The following SLC6A17 variants were observed in gnomAD, a reference collection of about 807,000 sequenced individuals.
SLC6A17 encodes sodium-dependent neutral amino acid transporter SLC6A17.
In SLC6A17, 21 loss-of-function variants were observed where a neutral mutation model predicts 64.5. That is an observed-to-expected ratio of 0.33 (90% confidence interval 0.23 to 0.47). The LOEUF (loss-of-function observed/expected upper bound fraction) is 0.47, where lower values mean the gene tolerates loss of function less well. SLC6A17 is among the 20% of genes least tolerant of loss of function. SLC6A17 has a pLI of 1.00. For synonymous variants in SLC6A17, 372 were observed against 399.5 expected (o/e 0.93, Z 0.82); for missense variants, 682 against 963.2 (o/e 0.71, Z 3.86).
At chr1:110,197,986 TGGG>T in intron 11 of SLC6A17, 87 bp from the exon 12 acceptor site, 1 of 1,516,950 alleles carries the variant, frequency 6.6e-7, no homozygotes, top group South Asian at 1.3e-5. Flanking sequence ...TGGAAGGCCA[TGGG>T]TGAGGGCAGG....
chr1:110,183,413 T>C (rs1021266566), intron 6 of SLC6A17, among the ~76,000 whole-genome samples: 3 of 152,152 alleles, frequency 2.0e-5, no homozygotes, highest in Non-Finnish European at 4.4e-5. Context: ...ATGTCCAGAA[T>C]AGGTGAATCC....
intron 1 of SLC6A17, 37 bp from the exon 2 acceptor site, chr1:110,166,805 TG>T: frequency 7.8e-7 from 1 of 1,287,014 alleles, no homozygotes; most frequent in Non-Finnish European, 1.0e-6. Context: ...CTTCCTGGTG[TG>T]GTCAGATAAT....
At chr1:110,193,998 A>G (rs904341790) in intron 8 of SLC6A17, among the ~76,000 whole-genome samples, 7 of 152,318 alleles carry the variant, frequency 4.6e-5, no homozygotes, top group African/African-American at 1.7e-4. Flanking sequence ...GCATTAAAGC[A>G]GTGATTCTCT....
At chr1:110,170,487 A>G (rs958522673) in intron 2 of SLC6A17, among the ~76,000 whole-genome samples, 1 of 152,142 alleles carries the variant, frequency 6.6e-6, no homozygotes, top group Non-Finnish European at 1.5e-5. Flanking sequence ...CCCTCTCAAA[A>G]TAAAAACAAA....
chr1:110,195,855 C>CG, intron 10 of SLC6A17, 110 bp downstream of exon 10: 1 of 1,471,616 alleles, frequency 6.8e-7, no homozygotes, highest in South Asian at 1.3e-5. Context: ...AGTGCCCTTA[C>CG]GGATCATTTA....
In SLC6A17 at chr1:110,174,806, C is replaced by T. The variant is rs1323865330; in HGVS notation, c.599C>T (p.Ser200Leu). 1.2e-6 allele frequency: 2 copies of T among 1,614,150 alleles called. No individual in the cohort carries two copies. Among genetic ancestry groups the T allele is most frequent in the East Asian group, 2.2e-5 (1 of 44,884 alleles). Residue 200 changes from serine (S) to leucine (L), a missense_variant, in exon 5 of 12, where the codon TCA becomes TTA. Around this residue, in one of 3 missense-constraint regions of SLC6A17, gnomAD observed 415 missense variants for 603.8 expected, o/e 0.69. Coordinates refer to ENST00000331565, the MANE Select transcript of SLC6A17 (RefSeq NM_001010898.4). ...GTGGAGGCAGAGTGTGAAAAGAGCT[C>T]AGCCACTACCTACTTCTGGTACCGA... ...AVVEAECEKS[S>L]ATTYFWYREA...
At chr1:110,176,992 T>C (rs988654628) in intron 6 of SLC6A17, among the ~76,000 whole-genome samples, 9 of 152,052 alleles carry the variant, frequency 5.9e-5, no homozygotes, top group Admixed American at 5.9e-4. Flanking sequence ...GAAAGAGCCT[T>C]AGGGAGCAGG....
chr1:110,186,630 T>A (rs1656691187), intron 6 of SLC6A17, among the ~76,000 whole-genome samples: 1 of 151,894 alleles, frequency 6.6e-6, no homozygotes, highest in Admixed American at 6.6e-5. Flanking sequence ...CCTGCTCAGC[T>A]CACAACTCAT....
At chr1:110,165,264 G>A (rs529234040) in intron 1 of SLC6A17, among the ~76,000 whole-genome samples, 17 of 152,272 alleles carry the variant, frequency 1.1e-4, no homozygotes, top group Admixed American at 2.6e-4. Context: ...GGCAGCCCTG[G>A]GGGGAGGCCC....
rs751594760 is a variant in SLC6A17 at position 110,174,815 on chromosome 1, C to T, written c.608C>T (p.Thr203Ile). The change falls in exon 5 of 12, where the codon ACC becomes ATC. Residue 203 changes from threonine (T) to isoleucine (I), a missense_variant. Thr to Ile is a moderately conservative substitution (Grantham distance 89). This residue lies in a region of SLC6A17 where 415 missense variants were observed against 603.8 expected (regional missense o/e 0.69). Coordinates refer to ENST00000331565, the MANE Select transcript of SLC6A17 (RefSeq NM_001010898.4). ...GAGTGTGAAAAGAGCTCAGCCACTA[C>T]CTACTTCTGGTACCGAGAGGCCTTG... ...EAECEKSSATTYFWYREALDI... is the reference protein window; with the variant it reads ...EAECEKSSATIYFWYREALDI... 1.2e-6 allele frequency: 2 copies of T among 1,614,154 alleles called. No individual in the cohort carries two copies. Among genetic ancestry groups the T allele is most frequent in the Admixed American group, 1.7e-5 (1 of 60,020 alleles).
intron 6 of SLC6A17, among the ~76,000 whole-genome samples, chr1:110,184,284 G>A (rs1447245971): frequency 1.3e-5 from 2 of 152,000 alleles, no homozygotes; most frequent in African/African-American, 2.4e-5. Flanking sequence ...CTAATTTTTT[G>A]TATTTTTAGT....
At chr1:110,195,497 G>T in intron 9 of SLC6A17, 89 bp from the exon 10 acceptor site, 1 of 1,512,336 alleles carries the variant, frequency 6.6e-7, no homozygotes. Context: ...GGAGGGATGT[G>T]ATGGGAGGGG....
intron 6 of SLC6A17, among the ~76,000 whole-genome samples, chr1:110,190,836 C>T (rs895138230): frequency 1.3e-5 from 2 of 150,522 alleles, no homozygotes; most frequent in East Asian, 1.9e-4. Flanking sequence ...GTGCTGGGGC[C>T]GGGGGCGGGG....
chr1:110,160,513 G>A lies in SLC6A17; in HGVS notation c.-87-6330G>A, dbSNP rs116088805. Among the ~76,000 whole-genome samples the A allele has an allele frequency of 1.4e-3, 209 of 152,354 alleles. 1 individual carries two copies. Among genetic ancestry groups the A allele is most frequent in the African/African-American group, 4.6e-3 (193 of 41,586 alleles). ...TGGGCACAAAGCTGAATGCACCTTCGCTCCTGCCTCAAGGAGATTGCTGTT... is the reference window on the plus strand; with the variant it reads ...TGGGCACAAAGCTGAATGCACCTTCACTCCTGCCTCAAGGAGATTGCTGTT... On this transcript the variant is annotated intron_variant, in intron 1 of 11. Coordinates refer to ENST00000331565, the MANE Select transcript of SLC6A17 (RefSeq NM_001010898.4).
chr1:110,165,437 A>G (rs1004262667), intron 1 of SLC6A17, among the ~76,000 whole-genome samples: 13 of 152,062 alleles, frequency 8.5e-5, no homozygotes, highest in Non-Finnish European at 1.3e-4. Flanking sequence ...AGTTACCCCA[A>G]AGCCTAACCC....
chr1:110,173,466 A>C (rs529130988), intron 3 of SLC6A17, among the ~76,000 whole-genome samples: 1 of 152,362 alleles, frequency 6.6e-6, no homozygotes, highest in Admixed American at 6.5e-5. Flanking sequence ...GTTTCCAAGA[A>C]ATGACAAGTG....
chr1:110,168,896 G>A (rs763104355), intron 2 of SLC6A17, among the ~76,000 whole-genome samples: 1 of 152,200 alleles, frequency 6.6e-6, no homozygotes, highest in South Asian at 2.1e-4. Flanking sequence ...AACTACCCTA[G>A]AGGAAAAGCA....
intron 1 of SLC6A17, among the ~76,000 whole-genome samples, chr1:110,154,955 C>T (rs1349276414): frequency 2.6e-5 from 4 of 152,196 alleles, no homozygotes; most frequent in Non-Finnish European, 5.9e-5. Context: ...AGCCCACTTT[C>T]TCCTCACTCC....
At chr1:110,173,894 T>TTAGC in intron 3 of SLC6A17, 79 bp from the exon 4 acceptor site, 1 of 1,508,858 alleles carries the variant, frequency 6.6e-7, no homozygotes, top group South Asian at 1.4e-5. Flanking sequence ...GCTGCCGACG[T>TTAGC]GCTGGGCCTC....
Sources: allele counts gnomAD v4.1 joint callset (sites outside exome capture counted in the v4.1 genomes callset), GRCh38; gene constraint gnomAD v4.1.1; regional missense constraint gnomAD v4.1.1; transcripts MANE v1.5; gene names NCBI Gene and HGNC (gene_info 2026-07-23, HGNC 2026-07-21).